The following VPS37C variants were observed in gnomAD, a reference collection of about 807,000 sequenced individuals.
VPS37C encodes the protein vacuolar protein sorting-associated protein 37C.
In VPS37C, 9 loss-of-function variants were observed where a neutral mutation model predicts 16.1. The observed-to-expected ratio is 0.56, with a 90% CI of 0.34 to 0.97. The LOEUF (loss-of-function observed/expected upper bound fraction) is 0.97, where lower values mean the gene tolerates loss of function less well. Ranked by LOEUF, VPS37C falls within the 50% of genes least tolerant of loss-of-function variation. The pLI, the probability that VPS37C is intolerant of heterozygous loss-of-function variation, is 0.02. For synonymous variants in VPS37C, 207 were observed against 206.4 expected, an observed-to-expected ratio of 1.00 and a Z score of -0.02; for missense variants, 479 against 472.7, an observed-to-expected ratio of 1.01 and a Z score of -0.12.
chr11:61,135,374 C>T (rs1467529380), intron 2 of VPS37C, among the ~76,000 whole-genome samples: 1 of 152,236 alleles, frequency 6.6e-6, no homozygotes, highest in Non-Finnish European at 1.5e-5. Flanking sequence ...CTCCCTGAGC[C>T]CTCCAGACAA....
chr11:61,131,704 G>A lies in VPS37C; in HGVS notation c.*116C>T, dbSNP rs2232148. The A allele has an allele frequency of 2.3e-3, 2,818 of 1,221,840 alleles. 159 individuals carry two copies. In the Admixed American group the frequency reaches 0.1, roughly 45 times the overall value. 75.7% of individuals were successfully genotyped at this position (1,221,840 alleles called of 1,614,324 possible). On this transcript the variant is annotated 3_prime_UTR_variant, in exon 5 of 5. Transcript: ENST00000301765. ...CCCTCCAAGGCCTCTGGGTGCCGACGCAAGTCCACAGGGAGCACCAACGCC... is the reference window on the plus strand; with the variant it reads ...CCCTCCAAGGCCTCTGGGTGCCGACACAAGTCCACAGGGAGCACCAACGCC...
rs1861271829 is a variant in VPS37C, at chr11:61,131,994, T to C, written c.894A>G (p.Gln298=). ...CTCCTGTTGCGGGGTATGGGGACTGTTGAGGATAACCAGGACTGGGGGCCC... is the reference window on the plus strand; with the variant it reads ...CTCCTGTTGCGGGGTATGGGGACTGCTGAGGATAACCAGGACTGGGGGCCC... The part of the protein sequence containing the change: ...GGRAPSPGYP[Q]QSPYPATGGK... The change falls in exon 5 of 5, where the codon CAA becomes CAG. Residue 298 remains glutamine (Q), a synonymous_variant. Transcript: ENST00000301765. 1.5e-6 allele frequency: 2 copies of C among 1,359,494 alleles called. No homozygotes were observed. Among genetic ancestry groups the C allele is most frequent in the Admixed American group, 3.7e-5 (1 of 27,188 alleles). 84.2% of individuals were successfully genotyped at this position (1,359,494 alleles called of 1,614,324 possible).
At chr11:61,138,715 T>C (rs1352136248) in intron 2 of VPS37C, 22 bp downstream of exon 2, 1 of 1,612,494 alleles carries the variant, frequency 6.2e-7, no homozygotes, top group South Asian at 1.1e-5. Flanking sequence ...CTCTGTTGGG[T>C]CCCATACCAG....
chr11:61,131,880 G>T lies in VPS37C; in HGVS notation c.1008C>A (p.Pro336=). ...GGAACCCATAGGGAGGGGCGGGCCC[G>T]GGGGGATAAGGGGGCTGCAGGGGCA... is the stretch of plus-strand genomic sequence containing the variant. ...PSVPLQPPYP[P]GPAPPYGFPP... Residue 336 remains proline, a synonymous_variant, in exon 5 of 5, where the codon CCC becomes CCA. Transcript: ENST00000301765. 1 of 1,272,066 alleles carries T rather than the reference G, an allele frequency of 7.9e-7. No individual in the cohort carries two copies. Among genetic ancestry groups the T allele is most frequent in the Non-Finnish European group, 1.0e-6 (1 of 1,003,282 alleles). The allele number at this position is 1,272,066 out of a possible 1,614,324, so 78.8% of individuals were successfully genotyped here. A position where few individuals can be genotyped will look rare whatever the true frequency, so the allele number is the denominator to read the frequency against.
In VPS37C at chr11:61,132,992, G is replaced by A. The variant is rs972604437; in HGVS notation, c.348+263C>T. 16 of 583,590 alleles carry A rather than the reference G, an allele frequency of 2.7e-5. No homozygotes were observed. The East Asian group carries it at 4.3e-4, about 16-fold the overall frequency. The allele number at this position is 583,590 out of a possible 1,614,324, so 36.2% of individuals were successfully genotyped here. Reference sequence around the variant, plus strand: ...AGGGAGCTGGCCTCAGCCCCTGGGGGCCTCCTGCTGTGCTGCCCTACCATC... The same window carrying A: ...AGGGAGCTGGCCTCAGCCCCTGGGGACCTCCTGCTGTGCTGCCCTACCATC... On this transcript the variant is annotated intron_variant, in intron 4 of 4. Coordinates refer to ENST00000301765, the MANE Select transcript of VPS37C (RefSeq NM_017966.5).
chr11:61,139,800 A>G (rs1861443424), intron 1 of VPS37C, among the ~76,000 whole-genome samples: 1 of 149,920 alleles, frequency 6.7e-6, no homozygotes, highest in South Asian at 2.1e-4. Context: ...CTGGAAAGCA[A>G]TGGTGCAAAC....
At chr11:61,154,515 CA>C (rs1850419059) in intron 1 of VPS37C, among the ~76,000 whole-genome samples, 1 of 151,666 alleles carries the variant, frequency 6.6e-6, no homozygotes, top group South Asian at 2.1e-4. Flanking sequence ...AGAAACTAAC[CA>C]GAACAAACCA....
chr11:61,149,680 C>T (rs1853268380), intron 1 of VPS37C, among the ~76,000 whole-genome samples: 1 of 152,162 alleles, frequency 6.6e-6, no homozygotes, highest in African/African-American at 2.4e-5. Flanking sequence ...GACAAGAGTC[C>T]TCAAACATAA....
Position 61,131,695 on chromosome 11 carries a change from G to GCCTCT in VPS37C, c.*124_*125insAGAGG. The GCCTCT allele has an allele frequency of 2.5e-6, 3 of 1,209,428 alleles. No homozygotes were observed. The highest frequency in any genetic ancestry group is 3.1e-6 in the Non-Finnish European group (3 of 967,824). 74.9% of individuals were successfully genotyped at this position (1,209,428 alleles called of 1,614,324 possible). A position where few individuals can be genotyped will look rare whatever the true frequency, so the allele number is the denominator to read the frequency against. On this transcript the variant is annotated 3_prime_UTR_variant, in exon 5 of 5. Transcript: ENST00000301765. ...GTGCCTTGTCCCTCCAAGGCCTCTGGGTGCCGACGCAAGTCCACAGGGAGC... is the reference window on the plus strand; with the variant it reads ...GTGCCTTGTCCCTCCAAGGCCTCTGGCCTCTGTGCCGACGCAAGTCCACAGGGAGC...
chr11:61,150,327 C>G lies in VPS37C; in HGVS notation c.-7+11064G>C, dbSNP rs559862902. Among the ~76,000 whole-genome samples, 24 of 152,290 alleles carry G rather than the reference C, an allele frequency of 1.6e-4. No individual in the cohort carries two copies. The East Asian group carries it at 3.7e-3, about 23-fold the overall frequency. ...ACTAGTCTTCCCATCTCCAGGGTCTCTTTCTCACAACCATCCCACCAGGCT... is the reference window on the plus strand; with the variant it reads ...ACTAGTCTTCCCATCTCCAGGGTCTGTTTCTCACAACCATCCCACCAGGCT... On this transcript the variant is annotated intron_variant, in intron 1 of 4. Coordinates refer to ENST00000301765, the MANE Select transcript of VPS37C (RefSeq NM_017966.5).
chr11:61,133,932 T>G (rs1590783675), intron 3 of VPS37C, 104 bp downstream of exon 3: 41 of 1,380,788 alleles, frequency 3.0e-5, no homozygotes, highest in African/African-American at 1.4e-5. Context: ...TCTATGGCTG[T>G]TGTGAAAAAA....
chr11:61,138,620 A>G, intron 2 of VPS37C, 117 bp downstream of exon 2: 6 of 892,366 alleles, frequency 6.7e-6, no homozygotes, highest in East Asian at 2.6e-5. Flanking sequence ...GATGAAGTTC[A>G]CAGAAAAGGG....
chr11:61,139,741 CT>C (rs545629004), intron 1 of VPS37C, among the ~76,000 whole-genome samples: 101 of 77,828 alleles, frequency 1.3e-3, no homozygotes, highest in Admixed American at 4.5e-3. Context: ...CATTCCATAG[CT>C]TTTTTTTTTT....
chr11:61,154,599 T>C (rs1436168941), intron 1 of VPS37C, among the ~76,000 whole-genome samples: 1 of 151,854 alleles, frequency 6.6e-6, no homozygotes, highest in Non-Finnish European at 1.5e-5. Flanking sequence ...TCTAGCACCC[T>C]TACATACATG....
intron 1 of VPS37C, among the ~76,000 whole-genome samples, chr11:61,146,939 C>T (rs76689084): frequency 0.093 from 14,173 of 152,216 alleles, 686 homozygotes; most frequent in Non-Finnish European, 0.11. Flanking sequence ...GGCTGGAAAG[C>T]GGCCCTGGTG....
chr11:61,133,517 G>A (rs904595317), intron 3 of VPS37C, among the ~76,000 whole-genome samples, 180 bp from the exon 4 acceptor site: 2 of 152,182 alleles, frequency 1.3e-5, no homozygotes, highest in East Asian at 3.9e-4. Flanking sequence ...GCAGAGAAGG[G>A]CCCGAATGAA....
At position 61,131,106 on chromosome 11, in the gene VPS37C, C is replaced by T; in HGVS notation, c.*714G>A. On this transcript the variant is annotated 3_prime_UTR_variant, in exon 5 of 5. Coordinates refer to ENST00000301765, the MANE Select transcript of VPS37C (RefSeq NM_017966.5). The stretch of plus-strand genomic sequence containing the variant: ...CCCGCTTCCCTCTGGCCAGAGGGCC[C>T]AAGGCAGCCCCCTGGGTTCTCCAAC... 4.1e-6 allele frequency: 1 copy of T among 242,550 alleles called. No individual in the cohort carries two copies. The highest frequency in any genetic ancestry group is 8.1e-6 in the Non-Finnish European group (1 of 123,930). The allele number at this position is 242,550 out of a possible 1,614,324, so 15.0% of individuals were successfully genotyped here.
Position 61,150,214 on chromosome 11 carries a change from C to G in VPS37C, c.-7+11177G>C, listed in dbSNP as rs139785019. 1.1e-4 allele frequency among the ~76,000 whole-genome samples: 16 copies of G among 152,316 alleles called. No homozygotes were observed. The East Asian group carries it at 2.7e-3, about 26-fold the overall frequency. Reference sequence around the variant, plus strand: ...TCAGCTCAGACATGTGGGTCCCCCCCACCCCTGATGTCCAATCACCAAGTT... The same window carrying G: ...TCAGCTCAGACATGTGGGTCCCCCCGACCCCTGATGTCCAATCACCAAGTT... On this transcript the variant is annotated intron_variant, in intron 1 of 4. Transcript: ENST00000301765.
At chr11:61,139,664 G>A (rs149394890) in intron 1 of VPS37C, among the ~76,000 whole-genome samples, 90 of 152,030 alleles carry the variant, frequency 5.9e-4, no homozygotes, top group African/African-American at 2.0e-3. Flanking sequence ...AAATACACCC[G>A]GCACCTGCTT....
Sources: allele counts gnomAD v4.1 joint callset (sites outside exome capture counted in the v4.1 genomes callset), GRCh38; gene constraint gnomAD v4.1.1; transcripts MANE v1.5; gene names NCBI Gene and HGNC (gene_info 2026-07-23, HGNC 2026-07-21).